The following SCN11A variants were observed in gnomAD, a reference collection of about 807,000 sequenced individuals.
SCN11A encodes sodium channel protein type 11 subunit alpha.
In SCN11A, 122 loss-of-function variants were observed where a neutral mutation model predicts 162.2. The ratio of observed to expected loss-of-function variants is 0.75; its 90% CI spans 0.65 to 0.87. The LOEUF is 0.87. Ranked by LOEUF, SCN11A falls within the 40% of genes least tolerant of loss-of-function variation. The probability of loss-of-function intolerance (pLI) is 0.00; values close to 1 mark genes in which losing one functional copy is unlikely to be tolerated. For synonymous variants in SCN11A, 758 were observed against 751.5 expected (o/e 1.01, Z -0.14); for missense variants, 2,015 against 2,181.6 (o/e 0.92, Z 1.52).
chr3:38,944,815 T>C (rs948199727), intron 7 of SCN11A, among the ~76,000 whole-genome samples: 1 of 151,686 alleles, frequency 6.6e-6, no homozygotes, highest in African/African-American at 2.4e-5. Flanking sequence ...ACAAAAAAAT[T>C]GGCTGGGCAC....
chr3:38,959,510 G>A (rs1031809404), intron 3 of SCN11A, among the ~76,000 whole-genome samples: 2 of 152,184 alleles, frequency 1.3e-5, no homozygotes, highest in Admixed American at 1.3e-4. Flanking sequence ...CTCACTGTGT[G>A]TGATGTGGCC....
At chr3:38,942,141 A>G (rs1350382827) in intron 7 of SCN11A, among the ~76,000 whole-genome samples, 1 of 152,182 alleles carries the variant, frequency 6.6e-6, no homozygotes, top group African/African-American at 2.4e-5. Context: ...GAATGAATAC[A>G]TCAGGAGGAT....
At chr3:38,930,752 A>C (rs2066227481) in intron 7 of SCN11A, among the ~76,000 whole-genome samples, 1 of 152,174 alleles carries the variant, frequency 6.6e-6, no homozygotes, top group Admixed American at 6.5e-5. Context: ...GGAGGAAATT[A>C]CATGCCTCCT....
At position 39,009,170 on chromosome 3, in the gene SCN11A, T is replaced by C. The variant is rs114997066; in HGVS notation, c.-280+23210A>G. Among the ~76,000 whole-genome samples the C allele has an allele frequency of 4.1e-3, 624 of 152,114 alleles. 9 individuals are homozygous for C. The highest frequency in any genetic ancestry group is 0.014 in the African/African-American group (592 of 41,478). On this transcript the variant is annotated intron_variant, in intron 2 of 29. Coordinates refer to ENST00000302328, the MANE Select transcript of SCN11A (RefSeq NM_001349253.2). ...GCCAAACATTAAAGAGATTTGAAAATATGTAAAATAATATCATTCTTATTA... is the reference window on the plus strand; with the variant it reads ...GCCAAACATTAAAGAGATTTGAAAACATGTAAAATAATATCATTCTTATTA...
At chr3:38,906,786 C>T (rs1037365421) in intron 14 of SCN11A, among the ~76,000 whole-genome samples, 2 of 152,126 alleles carry the variant, frequency 1.3e-5, no homozygotes, top group African/African-American at 4.8e-5. Flanking sequence ...CCTTTCAATG[C>T]TCTTTACCCT....
rs115626836 is a variant in SCN11A, at chr3:39,002,824, C to G, written c.-280+29556G>C. ...CCAAAGAGAAACATACTTGCGTTAG[C>G]CTGCTTGGCCAGGAGAAGGATAGGA... On this transcript the variant is annotated intron_variant, in intron 2 of 29. Coordinates refer to ENST00000302328, the MANE Select transcript of SCN11A (RefSeq NM_001349253.2). Among the ~76,000 whole-genome samples, 1,331 of 152,290 alleles carry G rather than the reference C, an allele frequency of 8.7e-3. 25 individuals carry two copies. Among genetic ancestry groups the G allele is most frequent in the African/African-American group, 0.031 (1,283 of 41,562 alleles).
At chr3:39,032,059 T>C (rs540978289) in intron 2 of SCN11A, among the ~76,000 whole-genome samples, 1 of 152,358 alleles carries the variant, frequency 6.6e-6, no homozygotes, top group African/African-American at 2.4e-5. Flanking sequence ...GACTGATTCT[T>C]ACGTGCTCAT....
intron 3 of SCN11A, among the ~76,000 whole-genome samples, chr3:38,955,157 G>A (rs765928691): frequency 7.2e-5 from 11 of 152,090 alleles, no homozygotes; most frequent in Non-Finnish European, 7.4e-5. Flanking sequence ...GTGTGGTGGC[G>A]TGTGCCTGTA....
At chr3:38,893,055 A>T (rs34418780) in intron 19 of SCN11A, among the ~76,000 whole-genome samples, 7,387 of 152,214 alleles carry the variant, frequency 0.049, 227 homozygotes, top group Non-Finnish European at 0.065. Flanking sequence ...CAATCCAATC[A>T]GAAGGCAGAG....
At chr3:38,979,635 C>CA (rs1362536144) in intron 2 of SCN11A, among the ~76,000 whole-genome samples, 1 of 152,060 alleles carries the variant, frequency 6.6e-6, no homozygotes, top group Admixed American at 6.6e-5. Context: ...CATAAAACAC[C>CA]AAAAAAATTT....
At chr3:38,907,901 C>T (rs2065824978) in intron 14 of SCN11A, 48 bp downstream of exon 14, 1 of 1,485,464 alleles carries the variant, frequency 6.7e-7, no homozygotes, top group Non-Finnish European at 9.1e-7. Context: ...TTGGACCTGT[C>T]CCCCTGGACA....
At chr3:38,960,481 A>C (rs1488427715) in intron 2 of SCN11A, among the ~76,000 whole-genome samples, 58 bp from the exon 3 acceptor site, 1 of 152,222 alleles carries the variant, frequency 6.6e-6, no homozygotes, top group Non-Finnish European at 1.5e-5. Flanking sequence ...ATTTTAAAGA[A>C]TTGTGTAGGA....
chr3:38,981,555 G>GTGTA (rs2030058560), intron 2 of SCN11A, among the ~76,000 whole-genome samples: 1 of 151,904 alleles, frequency 6.6e-6, no homozygotes, highest in Admixed American at 6.6e-5. Flanking sequence ...GTGTGTGTGT[G>GTGTA]TGTGTGTGTG....
At chr3:38,901,590 GAGTTAATT>G (rs1483452104) in intron 16 of SCN11A, among the ~76,000 whole-genome samples, 1 of 152,188 alleles carries the variant, frequency 6.6e-6, no homozygotes, top group East Asian at 1.9e-4. Context: ...CTACCCTAGA[GAGTTAATT>G]TTCTAGTCCA....
At position 38,894,968 on chromosome 3, in the gene SCN11A, G is replaced by T. The variant is rs766080522; in HGVS notation, c.2404-4C>A. 1.3e-6 allele frequency: 2 copies of T among 1,590,936 alleles called. No homozygotes were observed. The highest frequency in any genetic ancestry group is 2.3e-5 in the South Asian group (2 of 88,210). ...AGGCAATGAAGAGGTTGAGCACCTG[G>T]GAATGGGGTGGGTAGCAAGAAGAAA... On this transcript the variant is annotated splice_polypyrimidine_tract_variant and splice_region_variant and intron_variant, in intron 18 of 29. Coordinates refer to ENST00000302328, the MANE Select transcript of SCN11A (RefSeq NM_001349253.2).
chr3:38,913,366 C>A (rs1037326956), intron 11 of SCN11A, among the ~76,000 whole-genome samples: 2 of 152,092 alleles, frequency 1.3e-5, no homozygotes, highest in Non-Finnish European at 1.5e-5. Flanking sequence ...CTTATAGATG[C>A]TGAATATCAG....
At chr3:39,041,663 T>A (rs2032051405) in intron 1 of SCN11A, among the ~76,000 whole-genome samples, 1 of 152,096 alleles carries the variant, frequency 6.6e-6, no homozygotes, top group Non-Finnish European at 1.5e-5. Flanking sequence ...ACTGAGGAAA[T>A]TCATCACCCT....
intron 17 of SCN11A, among the ~76,000 whole-genome samples, chr3:38,898,894 G>A (rs1188631418): frequency 3.3e-5 from 5 of 152,020 alleles, no homozygotes; most frequent in African/African-American, 1.2e-4. Flanking sequence ...ACAGATTTCC[G>A]TGCATTAGAG....
intron 2 of SCN11A, among the ~76,000 whole-genome samples, chr3:38,985,992 T>A (rs2030226522): frequency 6.6e-6 from 1 of 151,104 alleles, no homozygotes. Flanking sequence ...GGTGGGAAAC[T>A]GCCATTTCTC....
Sources: allele counts gnomAD v4.1 joint callset (sites outside exome capture counted in the v4.1 genomes callset), GRCh38; gene constraint gnomAD v4.1.1; transcripts MANE v1.5; gene names NCBI Gene and HGNC (gene_info 2026-07-23, HGNC 2026-07-21).